PITPNC1: variants seen among roughly 807,000 people sequenced by gnomAD.
The protein encoded by PITPNC1 is phosphatidylinositol transfer protein cytoplasmic 1, also known as cytoplasmic phosphatidylinositol transfer protein 1.
A neutral mutation model predicts 44.7 loss-of-function variants in PITPNC1; 18 were observed. That is an observed-to-expected ratio of 0.40 (90% CI 0.28 to 0.60). PITPNC1 has a LOEUF of 0.60. PITPNC1 is among the 20% of genes least tolerant of loss of function. The probability of loss-of-function intolerance (pLI) is 0.39; values close to 1 mark genes in which losing one functional copy is unlikely to be tolerated. For synonymous variants in PITPNC1, 141 were observed against 149.6 expected (o/e 0.94, Z 0.42); for missense variants, 290 against 418.4 (o/e 0.69, Z 2.68).
intron 5 of PITPNC1, among the ~76,000 whole-genome samples, chr17:67,601,351 A>G (rs527582325): frequency 3.9e-5 from 6 of 152,208 alleles, no homozygotes; most frequent in Non-Finnish European, 5.9e-5. Context: ...AAGGCATAGA[A>G]CACAAGAAAC....
chr17:67,491,959 C>T (rs1478943131), intron 1 of PITPNC1, among the ~76,000 whole-genome samples: 1 of 151,426 alleles, frequency 6.6e-6, no homozygotes, highest in African/African-American at 2.4e-5. Flanking sequence ...TGGCATTGTG[C>T]CAGTGAAATG....
In PITPNC1 at chr17:67,443,098, C is replaced by T. The variant is rs552935497; in HGVS notation, c.48+64896C>T. The stretch of plus-strand genomic sequence containing the variant: ...GCTGGGAGCGAAAATTCAGCCCCCT[C>T]GGTTTGGCGTTGAAGCCCCTTTACA... On this transcript the variant is annotated intron_variant, in intron 1 of 8. Transcript: ENST00000581322. 2.6e-5 allele frequency among the ~76,000 whole-genome samples: 4 copies of T among 152,150 alleles called. No homozygotes were observed. In the South Asian group the frequency reaches 8.3e-4, roughly 32 times the overall value.
At chr17:67,463,128 T>A (rs1239671664) in intron 1 of PITPNC1, among the ~76,000 whole-genome samples, 1 of 152,234 alleles carries the variant, frequency 6.6e-6, no homozygotes, top group African/African-American at 2.4e-5. Context: ...AATTATATAC[T>A]GATGAGATAT....
intron 5 of PITPNC1, among the ~76,000 whole-genome samples, chr17:67,599,034 A>ATATT (rs1461493250): frequency 4.2e-4 from 15 of 35,672 alleles, no homozygotes; most frequent in Admixed American, 1.2e-3. Context: ...ATATATATAT[A>ATATT]TTTTTTTTTT....
chr17:67,548,663 T>G (rs2040717512), intron 2 of PITPNC1, among the ~76,000 whole-genome samples: 1 of 152,158 alleles, frequency 6.6e-6, no homozygotes, highest in Non-Finnish European at 1.5e-5. Context: ...TGACAAGGCA[T>G]CTGGGGGAAT....
intron 1 of PITPNC1, among the ~76,000 whole-genome samples, chr17:67,438,066 T>A (rs1314121656): frequency 2.7e-5 from 4 of 146,524 alleles, no homozygotes; most frequent in Non-Finnish European, 1.5e-5. Flanking sequence ...AGACTCTGTC[T>A]CAAAAAAAGA....
chr17:67,653,478 A>G (rs1567760287), intron 6 of PITPNC1, among the ~76,000 whole-genome samples: 1 of 152,214 alleles, frequency 6.6e-6, no homozygotes, highest in Non-Finnish European at 1.5e-5. Flanking sequence ...TGGGGCTTCT[A>G]GCCTCCAGTA....
chr17:67,475,648 A>G (rs1438187495), intron 1 of PITPNC1, among the ~76,000 whole-genome samples: 1 of 152,174 alleles, frequency 6.6e-6, no homozygotes, highest in African/African-American at 2.4e-5. Context: ...TTGCACAGAA[A>G]GTTGAAAGTT....
chr17:67,458,960 G>A (rs1023766018), intron 1 of PITPNC1, among the ~76,000 whole-genome samples: 2 of 151,962 alleles, frequency 1.3e-5, no homozygotes, highest in Non-Finnish European at 2.9e-5. Context: ...CATTTTTCAG[G>A]GGAGAGGTTT....
chr17:67,520,462 C>T (rs958009893), intron 1 of PITPNC1, among the ~76,000 whole-genome samples: 5 of 152,184 alleles, frequency 3.3e-5, no homozygotes, highest in Non-Finnish European at 5.9e-5. Flanking sequence ...GAGTTGCGAT[C>T]GGTTTCACAT....
At position 67,692,577 on chromosome 17, in the gene PITPNC1, A is replaced by C; in HGVS notation, c.688A>C (p.Thr230Pro). 6.2e-7 allele frequency: 1 copy of C among 1,611,312 alleles called. No homozygotes were observed. Among genetic ancestry groups the C allele is most frequent in the Non-Finnish European group, 8.5e-7 (1 of 1,177,586 alleles). The change falls in exon 9 of 9, where the codon ACA becomes CCA. Residue 230 changes from threonine to proline, a missense_variant. Transcript: ENST00000581322. ...TTCTGTTTTTCTCCTTGAAGACATG[A>C]CAATGGATGAAGTCCGAGAATTTGA... is the stretch of plus-strand genomic sequence containing the variant. ...FAWVDEWYDM[T>P]MDEVREFERA...
chr17:67,421,251 A>G (rs2038669196), intron 1 of PITPNC1, among the ~76,000 whole-genome samples: 2 of 152,158 alleles, frequency 1.3e-5, no homozygotes, highest in African/African-American at 4.8e-5. Flanking sequence ...TCTTGGTGCC[A>G]AAGACTTGAA....
chr17:67,467,092 TC>T, intron 1 of PITPNC1, among the ~76,000 whole-genome samples: 1 of 137,908 alleles, frequency 7.3e-6, no homozygotes, highest in African/African-American at 2.7e-5. Context: ...TGAATCTTGC[TC>T]TGTCACCCAG....
At chr17:67,451,699 C>A (rs150838329) in intron 1 of PITPNC1, among the ~76,000 whole-genome samples, 1 of 150,648 alleles carries the variant, frequency 6.6e-6, no homozygotes, top group African/African-American at 2.4e-5. Context: ...AGTGCAGTGG[C>A]GCGATCTCGG....
intron 1 of PITPNC1, among the ~76,000 whole-genome samples, chr17:67,445,037 G>A (rs181308671): frequency 6.6e-6 from 1 of 151,968 alleles, no homozygotes; most frequent in Admixed American, 6.6e-5. Flanking sequence ...AGATGGGGAA[G>A]TGTGGATGAT....
intron 6 of PITPNC1, among the ~76,000 whole-genome samples, chr17:67,639,835 C>T (rs1033455205): frequency 1.3e-5 from 2 of 152,110 alleles, no homozygotes; most frequent in African/African-American, 4.8e-5. Context: ...TGCTAAGGAC[C>T]GGCCCTCAGA....
At chr17:67,453,916 AT>A (rs2039219476) in intron 1 of PITPNC1, among the ~76,000 whole-genome samples, 1 of 151,988 alleles carries the variant, frequency 6.6e-6, no homozygotes, top group Non-Finnish European at 1.5e-5. Context: ...TTTGCCCTTG[AT>A]TTGTTGGGGA....
At chr17:67,504,988 C>G (rs1258463030) in intron 1 of PITPNC1, among the ~76,000 whole-genome samples, 1 of 152,188 alleles carries the variant, frequency 6.6e-6, no homozygotes, top group African/African-American at 2.4e-5. Flanking sequence ...GTGATTTCCT[C>G]TTAAACCCAT....
chr17:67,599,034 A>ATATTTTTT (rs1461493250), intron 5 of PITPNC1, among the ~76,000 whole-genome samples: 7 of 35,676 alleles, frequency 2.0e-4, no homozygotes, highest in African/African-American at 5.7e-4. Flanking sequence ...ATATATATAT[A>ATATTTTTT]TTTTTTTTTT....
Sources: gnomAD v4.1 joint callset for allele counts (sites outside exome capture counted in the v4.1 genomes callset) on GRCh38, gnomAD v4.1.1 for gene constraint, MANE v1.5 for transcripts, NCBI Gene and HGNC (gene_info 2026-07-23, HGNC 2026-07-21) for gene names.